The following KIAA0825 variants were observed in gnomAD, a reference collection of about 807,000 sequenced individuals.
The protein encoded by KIAA0825 is uncharacterized protein KIAA0825.
A neutral mutation model predicts 147.6 loss-of-function variants in KIAA0825; 119 were observed. The ratio of observed to expected loss-of-function variants is 0.81; its 90% CI spans 0.69 to 0.94. The LOEUF (loss-of-function observed/expected upper bound fraction) is 0.94. Ranked by LOEUF, KIAA0825 falls within the 40% of genes least tolerant of loss-of-function variation. The pLI, the probability that KIAA0825 is intolerant of heterozygous loss-of-function variation, is 0.00. For missense variants in KIAA0825, 1,381 were observed against 1,472.7 expected, an observed-to-expected ratio of 0.94 and a Z score of 1.02; for synonymous variants, 470 against 518.1, an observed-to-expected ratio of 0.91 and a Z score of 1.26.
intron 1 of KIAA0825, chr5:94,618,026 C>G (rs1210353843): frequency 1.3e-5 from 2 of 152,332 alleles, no homozygotes; most frequent in East Asian, 3.9e-4. Context: ...TCAATTAATT[C>G]TAAATCAGGA....
intron 14 of KIAA0825, among the ~76,000 whole-genome samples, chr5:94,429,678 G>T (rs1247134386): frequency 6.6e-6 from 1 of 152,204 alleles, no homozygotes; most frequent in Non-Finnish European, 1.5e-5. Context: ...GGGGGTGGCA[G>T]GGGCCACAAA....
intron 1 of KIAA0825, among the ~76,000 whole-genome samples, chr5:94,591,042 T>G (rs1784260421): frequency 6.6e-6 from 1 of 152,174 alleles, no homozygotes; most frequent in South Asian, 2.1e-4. Context: ...GCAGCATACA[T>G]TTTCCTTCTG....
In KIAA0825 at chr5:94,524,076, T is replaced by A. The variant is rs1038453187; in HGVS notation, c.154A>T (p.Ile52Leu). ...AASIKHCIKEIQSEINKQCPG... is the reference protein window; with the variant it reads ...AASIKHCIKELQSEINKQCPG... Reference sequence around the variant, plus strand: ...CATTGTTTGTTAATTTCGGACTGTATCTCTTTAATGCAATGTTTTATGCTA... The same window carrying A: ...CATTGTTTGTTAATTTCGGACTGTAACTCTTTAATGCAATGTTTTATGCTA... Residue 52 changes from isoleucine to leucine, a missense_variant, in exon 4 of 21, where the codon ATA (isoleucine) becomes TTA (leucine). Physicochemically the swap from Ile to Leu is conservative, Grantham distance 5. Coordinates refer to ENST00000682413, the MANE Select transcript of KIAA0825 (RefSeq NM_001145678.3). 2 of 1,608,534 alleles carry A rather than the reference T, an allele frequency of 1.2e-6. No homozygotes were observed. The highest frequency in any genetic ancestry group is 1.7e-6 in the Non-Finnish European group (2 of 1,176,646).
intron 20 of KIAA0825, among the ~76,000 whole-genome samples, chr5:94,284,699 CT>C (rs1249106089): frequency 4.6e-5 from 7 of 152,048 alleles, no homozygotes; most frequent in Non-Finnish European, 1.0e-4. Flanking sequence ...ACATCTTTCC[CT>C]TTTTTTCCTT....
chr5:94,526,479 C>G (rs1562595292), intron 3 of KIAA0825, among the ~76,000 whole-genome samples: 3 of 151,966 alleles, frequency 2.0e-5, no homozygotes, highest in Non-Finnish European at 1.5e-5. Context: ...CTCAACATTT[C>G]TTAATAAATT....
chr5:94,588,182 A>G (rs897546843), intron 1 of KIAA0825, among the ~76,000 whole-genome samples: 2 of 152,236 alleles, frequency 1.3e-5, no homozygotes, highest in African/African-American at 2.4e-5. Context: ...AAAAGCCAAA[A>G]TAGACAAATG....
intron 20 of KIAA0825, among the ~76,000 whole-genome samples, chr5:94,300,251 C>T (rs886405409): frequency 3.3e-5 from 5 of 151,950 alleles, no homozygotes; most frequent in African/African-American, 7.2e-5. Flanking sequence ...ATATACCTAA[C>T]CTTGGTTTAA....
In KIAA0825 at chr5:94,477,135, G is replaced by A. The variant is rs374379680; in HGVS notation, c.1203C>T (p.Ser401=). Residue 401 remains serine (S), a synonymous_variant, in exon 7 of 21, where the codon TCC becomes TCT. Transcript: ENST00000682413. Reference sequence around the variant, plus strand: ...CCTCTTTTCCTGGTAGTGATTGCTCGGAAGGAATATTGGTTTCGTTTGCTC... The same window carrying A: ...CCTCTTTTCCTGGTAGTGATTGCTCAGAAGGAATATTGGTTTCGTTTGCTC... ...KPRANETNIP[S]EQSLPGKEAT... 425 of 1,550,056 alleles carry A rather than the reference G, an allele frequency of 2.7e-4. 4 individuals are homozygous for A. The African/African-American group carries it at 4.7e-3, about 17-fold the overall frequency.
At chr5:94,606,951 G>A (rs1272681029) in intron 1 of KIAA0825, among the ~76,000 whole-genome samples, 1 of 152,060 alleles carries the variant, frequency 6.6e-6, no homozygotes, top group African/African-American at 2.4e-5. Context: ...TAAACAACCA[G>A]CTCTCAAGTG....
intron 2 of KIAA0825, among the ~76,000 whole-genome samples, chr5:94,577,549 T>C (rs1781305081): frequency 6.6e-6 from 1 of 152,256 alleles, no homozygotes; most frequent in Non-Finnish European, 1.5e-5. Context: ...TCTTTGGCAA[T>C]TGAAAAGTTT....
rs566853966 is a variant in KIAA0825 at position 94,536,786 on chromosome 5, G to C, written c.131+210C>G. On this transcript the variant is annotated intron_variant, in intron 3 of 20. Transcript: ENST00000682413. The stretch of plus-strand genomic sequence containing the variant: ...AACTTTAATTGCCTATTTCAAGATA[G>C]TGCTTCTATTTTCTAGTCTTAAAAA... Among the ~76,000 whole-genome samples, 6 of 152,190 alleles carry C rather than the reference G, an allele frequency of 3.9e-5. No homozygotes were observed. The East Asian group carries it at 1.2e-3, about 29-fold the overall frequency.
intron 20 of KIAA0825, among the ~76,000 whole-genome samples, chr5:94,265,748 C>T (rs180691565): frequency 1.3e-5 from 2 of 152,284 alleles, no homozygotes; most frequent in East Asian, 3.9e-4. Flanking sequence ...TTGCAGTGAG[C>T]CGAGATTGCG....
At chr5:94,564,155 C>T (rs1778113065) in intron 2 of KIAA0825, among the ~76,000 whole-genome samples, 1 of 151,436 alleles carries the variant, frequency 6.6e-6, no homozygotes, top group Non-Finnish European at 1.5e-5. Flanking sequence ...TCTACCATTT[C>T]TATCTTGAAT....
intron 1 of KIAA0825, among the ~76,000 whole-genome samples, chr5:94,591,428 T>C (rs745854836): frequency 6.6e-6 from 1 of 152,192 alleles, no homozygotes; most frequent in Non-Finnish European, 1.5e-5. Flanking sequence ...CAAGAAATGA[T>C]ATGCTTCAAG....
intron 20 of KIAA0825, among the ~76,000 whole-genome samples, chr5:94,339,324 G>C (rs148014690): frequency 1.2e-4 from 19 of 152,204 alleles, no homozygotes; most frequent in Middle Eastern, 3.4e-3. Context: ...ATGAGTTTTA[G>C]TATGATGAGT....
At chr5:94,439,891 T>G (rs1279966233) in intron 14 of KIAA0825, 91 bp downstream of exon 14, 1 of 1,329,314 alleles carries the variant, frequency 7.5e-7, no homozygotes, top group Non-Finnish European at 1.0e-6. Context: ...GTTTACATCT[T>G]TCTTCCAATG....
intron 20 of KIAA0825, among the ~76,000 whole-genome samples, chr5:94,176,007 T>C (rs919495687): frequency 6.6e-6 from 1 of 152,182 alleles, no homozygotes; most frequent in Non-Finnish European, 1.5e-5. Context: ...GTATCAAATT[T>C]ATTAAATTTT....
In KIAA0825 at chr5:94,469,173, C is replaced by CTT. The variant is rs879452271; in HGVS notation, c.1872+786_1872+787dup. ...AACTATAACTGATCAGATGACTGTT[C>CTT]TTTTTTTTTTTTTCTGAGATGGAGT... On this transcript the variant is annotated intron_variant, in intron 10 of 20. Transcript: ENST00000682413. Among the ~76,000 whole-genome samples, 7 of 144,476 alleles carry CTT rather than the reference C, an allele frequency of 4.8e-5. No individual in the cohort carries two copies. The Middle Eastern group carries it at 0.011, about 221-fold the overall frequency. The allele number at this position is 144,476 out of a possible 152,430, so 94.8% of individuals were successfully genotyped here.
intron 20 of KIAA0825, among the ~76,000 whole-genome samples, chr5:94,162,172 A>T (rs1050336691): frequency 6.6e-6 from 1 of 152,254 alleles, no homozygotes; most frequent in Non-Finnish European, 1.5e-5. Flanking sequence ...TAGGTTACTT[A>T]TCATTTCCAG....
Sources: gnomAD v4.1 joint callset for allele counts (sites outside exome capture counted in the v4.1 genomes callset) on GRCh38, gnomAD v4.1.1 for gene constraint, MANE v1.5 for transcripts, NCBI Gene and HGNC (gene_info 2026-07-23, HGNC 2026-07-21) for gene names.